Variants in VPS50 observed in about 807,000 individuals in gnomAD.
VPS50 encodes the protein VPS50 subunit of EARP/GARPII complex.
In VPS50, 70 loss-of-function variants were observed where a neutral mutation model predicts 139.7. The observed-to-expected ratio is 0.50, with a 90% confidence interval of 0.41 to 0.61. The LOEUF is 0.61. Among genes scored for constraint, VPS50 ranks in the 20% least tolerant of loss-of-function variants. The pLI, the probability that VPS50 is intolerant of heterozygous loss-of-function variation, is 0.00. For missense variants in VPS50, 921 were observed against 1,133.7 expected, an observed-to-expected ratio of 0.81 and a Z score of 2.69; for synonymous variants, 365 against 376.7, an observed-to-expected ratio of 0.97 and a Z score of 0.36.
At chr7:93,347,578 A>C (rs1006582337) in intron 23 of VPS50, among the ~76,000 whole-genome samples, 2 of 134,344 alleles carry the variant, frequency 1.5e-5, no homozygotes, top group African/African-American at 6.3e-5. Flanking sequence ...AACCAACCCA[A>C]ATGTCCAACA....
At chr7:93,240,075 T>C in intron 2 of VPS50, 141 bp downstream of exon 2, 1 of 577,272 alleles carries the variant, frequency 1.7e-6, no homozygotes, top group Non-Finnish European at 3.2e-6. Flanking sequence ...TTTTATTGTA[T>C]AGTAGGTGTA....
Position 93,354,808 on chromosome 7 carries a change from C to T in VPS50, c.2585+1047C>T, listed in dbSNP as rs144207584. 9.8e-4 allele frequency among the ~76,000 whole-genome samples: 149 copies of T among 152,222 alleles called. 1 individual carries two copies. The highest frequency in any genetic ancestry group is 3.3e-3 in the African/African-American group (138 of 41,532). ...AGGATCAGTAATACATCTGAAATAT[C>T]CCTGAGAAGCGAACAGCTATTTCAA... On this transcript the variant is annotated intron_variant, in intron 26 of 27. Coordinates refer to ENST00000305866, the MANE Select transcript of VPS50 (RefSeq NM_017667.4).
At chr7:93,315,994 TAAAC>T (rs1291050968) in intron 20 of VPS50, among the ~76,000 whole-genome samples, 2 of 152,260 alleles carry the variant, frequency 1.3e-5, no homozygotes, top group Admixed American at 6.5e-5. Flanking sequence ...TAAGCATAAA[TAAAC>T]AGAAAAGAGG....
intron 24 of VPS50, among the ~76,000 whole-genome samples, chr7:93,349,261 G>A (rs962722076): frequency 2.6e-5 from 4 of 152,188 alleles, no homozygotes; most frequent in South Asian, 2.1e-4. Flanking sequence ...AGAGCATGGT[G>A]CATGCAAACA....
rs960504604 is a variant in VPS50, at chr7:93,291,787, A to G, written c.1027A>G (p.Met343Val). The change falls in exon 13 of 28, where the codon ATG (methionine) becomes GTG (valine). Residue 343 changes from methionine (M) to valine (V), a missense_variant. Transcript: ENST00000305866. ...WEVMLSYYRT[M>V]EWHEKHDNED... ...AGTTATGCTCAGCTATTATAGGACT[A>G]TGGAATGGCATGAAAAGCATGACAA... is the stretch of plus-strand genomic sequence containing the variant. 4 of 1,603,468 alleles carry G rather than the reference A, an allele frequency of 2.5e-6. No individual in the cohort carries two copies. The highest frequency in any genetic ancestry group is 3.4e-5 in the Admixed American group (2 of 59,438).
chr7:93,285,311 A>C (rs933112663), intron 12 of VPS50, among the ~76,000 whole-genome samples: 1 of 152,208 alleles, frequency 6.6e-6, no homozygotes, highest in East Asian at 1.9e-4. Flanking sequence ...GTGGAATAAG[A>C]ACAAAATAAT....
At chr7:93,270,137 A>C (rs1795960165) in intron 9 of VPS50, among the ~76,000 whole-genome samples, 1 of 151,226 alleles carries the variant, frequency 6.6e-6, no homozygotes, top group South Asian at 2.1e-4. Flanking sequence ...TTTTTTACTG[A>C]CCTCGTAAGA....
intron 20 of VPS50, among the ~76,000 whole-genome samples, chr7:93,321,618 G>A (rs1233223409): frequency 6.6e-6 from 1 of 152,134 alleles, no homozygotes; most frequent in African/African-American, 2.4e-5. Flanking sequence ...ATATCCTTAT[G>A]TTTGAATTTT....
intron 22 of VPS50, among the ~76,000 whole-genome samples, chr7:93,339,551 C>T (rs1442816666): frequency 1.3e-5 from 2 of 152,032 alleles, no homozygotes; most frequent in African/African-American, 4.8e-5. Context: ...CGTTTACATC[C>T]AATTTTTGTG....
At chr7:93,278,850 AT>A (rs2116902827) in intron 12 of VPS50, among the ~76,000 whole-genome samples, 1 of 152,030 alleles carries the variant, frequency 6.6e-6, no homozygotes. Flanking sequence ...GAAACCAATG[AT>A]TTATTAATAT....
chr7:93,349,264 T>G (rs1166800704), intron 24 of VPS50, among the ~76,000 whole-genome samples: 1 of 152,088 alleles, frequency 6.6e-6, no homozygotes, highest in Admixed American at 6.6e-5. Context: ...GCATGGTGCA[T>G]GCAAACAGCT....
chr7:93,356,592 G>A (rs904807534), intron 27 of VPS50, among the ~76,000 whole-genome samples: 2 of 152,062 alleles, frequency 1.3e-5, no homozygotes, highest in African/African-American at 2.4e-5. Flanking sequence ...TCTTACATTA[G>A]ATTTTACCTT....
At chr7:93,260,483 T>G (rs943170604) in intron 9 of VPS50, among the ~76,000 whole-genome samples, 1 of 152,214 alleles carries the variant, frequency 6.6e-6, no homozygotes, top group African/African-American at 2.4e-5. Flanking sequence ...TGATTGCTAG[T>G]ACCTGAAAAC....
intron 9 of VPS50, among the ~76,000 whole-genome samples, chr7:93,260,165 C>CA (rs1562855776): frequency 1.3e-5 from 2 of 152,072 alleles, no homozygotes; most frequent in African/African-American, 4.8e-5. Flanking sequence ...ATTAAATATA[C>CA]AACAGAAAAA....
intron 21 of VPS50, among the ~76,000 whole-genome samples, chr7:93,327,293 T>G (rs1468357094): frequency 6.6e-6 from 1 of 152,172 alleles, no homozygotes; most frequent in African/African-American, 2.4e-5. Context: ...AATTTAATCT[T>G]TAAATATAAA....
chr7:93,320,133 G>T (rs1270131984), intron 20 of VPS50, among the ~76,000 whole-genome samples: 1 of 152,020 alleles, frequency 6.6e-6, no homozygotes, highest in Non-Finnish European at 1.5e-5. Context: ...TGAGTAATTA[G>T]AACTATGTTC....
chr7:93,300,047 G>C (rs1295654653), intron 16 of VPS50, among the ~76,000 whole-genome samples: 3 of 152,072 alleles, frequency 2.0e-5, no homozygotes, highest in Non-Finnish European at 4.4e-5. Flanking sequence ...GAAGAGAGAA[G>C]TCACCTATCT....
intron 22 of VPS50, among the ~76,000 whole-genome samples, chr7:93,335,235 A>G (rs1414184851): frequency 1.3e-5 from 2 of 152,214 alleles, no homozygotes; most frequent in Non-Finnish European, 2.9e-5. Context: ...TGAAGCGGTG[A>G]TAGGATGGGG....
Position 93,308,890 on chromosome 7 carries a change from G to A in VPS50, c.1696G>A (p.Glu566Lys). The part of the protein sequence containing the change: ...EYDSDSDVPE[E>K]LKRDYVDEQT... ...TGACAGTGACAGTGATGTTCCTGAG[G>A]AACTCAAACGAGACTATGTGGATGA... The change falls in exon 19 of 28, where the codon GAA (glutamate) becomes AAA (lysine). Residue 566 changes from glutamate (E) to lysine (K), a missense_variant. Around this residue, in one of 3 missense-constraint regions of VPS50, gnomAD observed 744 missense variants for 930.6 expected, o/e 0.80. Transcript: ENST00000305866. The A allele has an allele frequency of 1.2e-6, 2 of 1,608,252 alleles. No homozygotes were observed. The highest frequency in any genetic ancestry group is 1.7e-6 in the Non-Finnish European group (2 of 1,175,376).
Sources: allele counts gnomAD v4.1 joint callset (sites outside exome capture counted in the v4.1 genomes callset), GRCh38; gene constraint gnomAD v4.1.1; regional missense constraint gnomAD v4.1.1; transcripts MANE v1.5; gene names NCBI Gene and HGNC (gene_info 2026-07-23, HGNC 2026-07-21).